Variants in HOMER2 observed in about 807,000 individuals in gnomAD.
HOMER2 encodes the protein homer protein homolog 2.
A neutral mutation model predicts 47.0 loss-of-function variants in HOMER2; 27 were observed. The ratio of observed to expected loss-of-function variants is 0.57; its 90% CI spans 0.42 to 0.79. HOMER2 has a LOEUF of 0.79. Among genes scored for constraint, HOMER2 ranks in the 30% least tolerant of loss-of-function variants. The pLI is 0.00. For synonymous variants in HOMER2, 161 were observed against 163.8 expected, an observed-to-expected ratio of 0.98 and a Z score of 0.13; for missense variants, 443 against 435.0, an observed-to-expected ratio of 1.02 and a Z score of -0.16.
Position 82,951,139 on chromosome 15 carries a change from G to A in HOMER2, c.5+1392C>T, listed in dbSNP as rs77316748. ...CTCACTGGAAATGTTACAGAAATAC[G>A]GCCTGCCAACTTGGGTGCCTCTGGG... On this transcript the variant is annotated intron_variant, in intron 1 of 8. Transcript: ENST00000450735. Among the ~76,000 whole-genome samples, 362 of 152,204 alleles carry A rather than the reference G, an allele frequency of 2.4e-3. 4 individuals carry two copies. Among genetic ancestry groups the A allele is most frequent in the African/African-American group, 8.3e-3 (345 of 41,522 alleles).
chr15:82,934,734 G>T (rs2054102580), intron 1 of HOMER2, among the ~76,000 whole-genome samples: 1 of 152,176 alleles, frequency 6.6e-6, no homozygotes, highest in South Asian at 2.1e-4. Context: ...ACGCCACTGG[G>T]CAAGGTCAAA....
chr15:82,946,112 C>T (rs1459019404), intron 1 of HOMER2, among the ~76,000 whole-genome samples: 1 of 152,186 alleles, frequency 6.6e-6, no homozygotes, highest in Non-Finnish European at 1.5e-5. Context: ...ACTCTAAGTT[C>T]CTCAGGAGCC....
intron 1 of HOMER2, chr15:82,926,246 AT>A (rs1236865780): frequency 6.6e-6 from 1 of 152,312 alleles, no homozygotes; most frequent in Non-Finnish European, 1.5e-5. Flanking sequence ...GTGCCAGTAG[AT>A]TTGGTGTCTG....
intron 4 of HOMER2, among the ~76,000 whole-genome samples, chr15:82,861,048 A>G (rs1475235032): frequency 1.3e-5 from 2 of 152,086 alleles, no homozygotes; most frequent in African/African-American, 4.8e-5. Flanking sequence ...AAAGAAAAGA[A>G]AGACTTTTCA....
intron 1 of HOMER2, among the ~76,000 whole-genome samples, chr15:82,923,687 C>T (rs1030858432): frequency 7.2e-5 from 11 of 152,158 alleles, no homozygotes; most frequent in Admixed American, 4.6e-4. Context: ...GTTCTCCTCC[C>T]ATGCACGCAT....
At chr15:82,868,523 T>TTATATATATATATATATATATATA (rs1244361918) in intron 3 of HOMER2, among the ~76,000 whole-genome samples, 22 of 36,622 alleles carry the variant, frequency 6.0e-4, no homozygotes, top group Admixed American at 1.5e-3. Flanking sequence ...CTTATTTATT[T>TTATATATATATATATATATATATA]TATATATATA....
intron 1 of HOMER2, among the ~76,000 whole-genome samples, chr15:82,979,865 T>C (rs1468016838): frequency 6.6e-6 from 1 of 152,124 alleles, no homozygotes; most frequent in Admixed American, 6.5e-5. Flanking sequence ...GATGGAAATT[T>C]CTCACAAGCA....
In HOMER2 at chr15:82,892,755, G is replaced by C. The variant is rs868742880; in HGVS notation, c.92C>G (p.Ala31Gly). 8.7e-6 allele frequency: 14 copies of C among 1,605,924 alleles called. No individual in the cohort carries two copies. Among genetic ancestry groups the C allele is most frequent in the Non-Finnish European group, 1.2e-5 (14 of 1,174,454 alleles). Residue 31 changes from alanine (A) to glycine (G), a missense_variant, in exon 2 of 9, where the codon GCG becomes GGG. By Grantham distance (60) the Ala-to-Gly change is moderately conservative (BLOSUM62 0). Coordinates refer to ENST00000450735, the MANE Select transcript of HOMER2 (RefSeq NM_004839.4). ...KKNWMPASKQ[A>G]VTVSYFYDVT... is the part of the protein sequence containing the mutation. ...ATCATAGAAGTAGGAAACGGTGACCGCCTGCTTGCTCGCAGGCATCCAGTT... is the reference window on the plus strand; with the variant it reads ...ATCATAGAAGTAGGAAACGGTGACCCCCTGCTTGCTCGCAGGCATCCAGTT...
chr15:82,877,804 TCTGTCTACTGTCA>T (rs2052396893), intron 2 of HOMER2, among the ~76,000 whole-genome samples: 1 of 152,146 alleles, frequency 6.6e-6, no homozygotes, highest in Non-Finnish European at 1.5e-5. Flanking sequence ...AGTCAAGAGA[TCTGTCTACTGTCA>T]CTGGACACTA....
chr15:82,902,355 G>A (rs1040442025), intron 1 of HOMER2, among the ~76,000 whole-genome samples: 2 of 151,864 alleles, frequency 1.3e-5, no homozygotes, highest in Non-Finnish European at 2.9e-5. Flanking sequence ...CTGCCACCAC[G>A]CCCGGCTAAT....
intron 1 of HOMER2, among the ~76,000 whole-genome samples, chr15:82,949,181 T>C (rs1490353064): frequency 2.0e-5 from 3 of 152,176 alleles, no homozygotes; most frequent in Admixed American, 2.0e-4. Context: ...GCTCCATGTA[T>C]TGACGAGAGT....
At chr15:82,966,694 G>T (rs1255181018) in intron 1 of HOMER2, among the ~76,000 whole-genome samples, 5 of 152,190 alleles carry the variant, frequency 3.3e-5, no homozygotes, top group African/African-American at 9.7e-5. Context: ...CTCGGATTAG[G>T]ATTTCAGTGG....
At chr15:82,901,676 A>C (rs2053122577) in intron 1 of HOMER2, among the ~76,000 whole-genome samples, 1 of 152,172 alleles carries the variant, frequency 6.6e-6, no homozygotes, top group Admixed American at 6.5e-5. Context: ...CCAAAACCAG[A>C]CAGCCATGGA....
chr15:82,874,870 C>G (rs993637977), intron 3 of HOMER2, among the ~76,000 whole-genome samples: 5 of 152,218 alleles, frequency 3.3e-5, no homozygotes, highest in African/African-American at 9.6e-5. Flanking sequence ...TAACAACCCT[C>G]CGATAACTGT....
intron 1 of HOMER2, among the ~76,000 whole-genome samples, chr15:82,980,351 T>C (rs2030351350): frequency 6.6e-6 from 1 of 152,178 alleles, no homozygotes; most frequent in Non-Finnish European, 1.5e-5. Context: ...GGACCATCCC[T>C]ATAGTTCAGA....
At chr15:82,954,566 G>A (rs537225347), upstream of HOMER2, among the ~76,000 whole-genome samples, 9 of 151,754 alleles carry the variant, frequency 5.9e-5, no homozygotes, top group East Asian at 1.8e-3. Context: ...TGGGACTACA[G>A]GCATGAGCCA....
intron 1 of HOMER2, among the ~76,000 whole-genome samples, chr15:82,973,847 CAT>C (rs1456430062): frequency 6.6e-6 from 1 of 152,164 alleles, no homozygotes; most frequent in African/African-American, 2.4e-5. Context: ...GGGCGGATCA[CAT>C]GAGGCCAGAA....
At chr15:82,863,405 A>G (rs772629797) in intron 4 of HOMER2, among the ~76,000 whole-genome samples, 11 of 152,216 alleles carry the variant, frequency 7.2e-5, no homozygotes, top group Non-Finnish European at 1.3e-4. Flanking sequence ...TTACCCAGTA[A>G]TGAAGAATTC....
intron 3 of HOMER2, among the ~76,000 whole-genome samples, chr15:82,872,835 G>A (rs2052222660): frequency 1.3e-5 from 2 of 152,238 alleles, no homozygotes; most frequent in Non-Finnish European, 2.9e-5. Context: ...TAAGGGCCTA[G>A]CTGCATGAGG....
Sources: allele counts gnomAD v4.1 joint callset (sites outside exome capture counted in the v4.1 genomes callset), GRCh38; gene constraint gnomAD v4.1.1; transcripts MANE v1.5; gene names NCBI Gene and HGNC (gene_info 2026-07-23, HGNC 2026-07-21).